The following NLRP11 variants were observed in gnomAD, a reference collection of about 807,000 sequenced individuals.
NLRP11 encodes the protein NLR family pyrin domain containing 11.
NLRP11 carries 53 observed loss-of-function variants against 79.3 expected under a neutral mutation model. That is an observed-to-expected ratio of 0.67 (90% confidence interval 0.54 to 0.84). The LOEUF is 0.84. Ranked by LOEUF, NLRP11 falls within the 40% of genes least tolerant of loss-of-function variation. The pLI is 0.00. For synonymous variants in NLRP11, 518 were observed against 462.6 expected (o/e 1.12, Z -1.54); for missense variants, 1,264 against 1,255.0 (o/e 1.01, Z -0.11).
chr19:55,821,247 A>ACCC (rs1209588601), intron 1 of NLRP11, among the ~76,000 whole-genome samples: 4 of 119,374 alleles, frequency 3.4e-5, no homozygotes, highest in Admixed American at 9.3e-5. Flanking sequence ...ACACACACAC[A>ACCC]CACCCCAAGC....
intron 5 of NLRP11, among the ~76,000 whole-genome samples, chr19:55,796,772 T>C (rs12973282): frequency 0.25 from 37,974 of 151,412 alleles, 4,986 homozygotes; most frequent in Admixed American, 0.32. Flanking sequence ...CTGCAACCTC[T>C]GCCTCCCGGG....
Position 55,788,984 on chromosome 19 carries a change from C to T in NLRP11, c.2685-7G>A, listed in dbSNP as rs780976301. 2.2e-5 allele frequency: 36 copies of T among 1,613,564 alleles called. No individual in the cohort carries two copies. Among genetic ancestry groups the T allele is most frequent in the African/African-American group, 6.7e-5 (5 of 74,802 alleles). The stretch of plus-strand genomic sequence containing the variant: ...TAACATGCACTCTTCTAGCCTGCAA[C>T]GAAGATGCACAGGTAAGGTGGGGCC... On this transcript the variant is annotated splice_region_variant and splice_polypyrimidine_tract_variant and intron_variant, in intron 8 of 9. Coordinates refer to ENST00000589093, the Ensembl canonical transcript of NLRP11.
intron 1 of NLRP11, among the ~76,000 whole-genome samples, chr19:55,822,031 G>A (rs1036673281): frequency 3.9e-5 from 6 of 152,202 alleles, no homozygotes; most frequent in Non-Finnish European, 8.8e-5. Context: ...GGCCGAGGTG[G>A]GTGGATCACC....
intron 2 of NLRP11, among the ~76,000 whole-genome samples, chr19:55,816,389 G>A (rs1981114696): frequency 6.6e-6 from 1 of 152,254 alleles, no homozygotes; most frequent in Admixed American, 6.5e-5. Flanking sequence ...TCTAATAATT[G>A]CTTTATGTAA....
At chr19:55,832,497 G>A (rs1009982302), upstream of NLRP11, among the ~76,000 whole-genome samples, 1 of 152,168 alleles carries the variant, frequency 6.6e-6, no homozygotes, top group Non-Finnish European at 1.5e-5. Flanking sequence ...CCACCCGGGG[G>A]GCCCGTCTTG....
chr19:55,817,464 C>T lies in NLRP11; in HGVS notation c.271+440G>A, dbSNP rs760886418. Among the ~76,000 whole-genome samples the T allele has an allele frequency of 2.1e-3, 205 of 95,788 alleles. 1 individual carries two copies. The highest frequency in any genetic ancestry group is 9.8e-3 in the Middle Eastern group (2 of 204). The allele number at this position is 95,788 out of a possible 152,430, so 62.8% of individuals were successfully genotyped here. On this transcript the variant is annotated intron_variant, in intron 2 of 9. Coordinates refer to ENST00000589093, the Ensembl canonical transcript of NLRP11. ...AGTGGATAAAGAAATTATGAACACACACACACACACACACAAATACTACTC... is the reference window on the plus strand; with the variant it reads ...AGTGGATAAAGAAATTATGAACACATACACACACACACACAAATACTACTC...
intron 1 of NLRP11, among the ~76,000 whole-genome samples, chr19:55,823,843 G>T (rs1982053438): frequency 6.8e-6 from 1 of 146,902 alleles, no homozygotes; most frequent in South Asian, 2.2e-4. Context: ...CGCTCTGCAG[G>T]ATATTATCCA....
At chr19:55,828,446 A>AAGTT (rs1568646144) in intron 1 of NLRP11, among the ~76,000 whole-genome samples, 1 of 152,190 alleles carries the variant, frequency 6.6e-6, no homozygotes, top group Non-Finnish European at 1.5e-5. Flanking sequence ...TCAGACTGCA[A>AAGTT]AGTTAGTAAT....
chr19:55,789,283 A>C (rs1177706568), exon 8 of NLRP11: 2 of 1,614,116 alleles, frequency 1.2e-6, no homozygotes, highest in African/African-American at 1.3e-5. Context: ...TAGCAGCTGC[A>C]TTCCTGCATC....
chr19:55,815,329 G>A (rs1276275236), intron 2 of NLRP11, among the ~76,000 whole-genome samples: 3 of 152,096 alleles, frequency 2.0e-5, no homozygotes, highest in Non-Finnish European at 2.9e-5. Context: ...AGGAGTTCAA[G>A]ACCAGCCTGG....
rs759563044 is a variant in NLRP11, at chr19:55,801,570, A to C, written c.2171+2T>G. The C allele has an allele frequency of 1.2e-6, 2 of 1,613,668 alleles. No homozygotes were observed. Among genetic ancestry groups the C allele is most frequent in the South Asian group, 2.2e-5 (2 of 91,048 alleles). ...TGAGCTTTCAGCCGAGCAACAACTC[A>C]CCTCAGATGACTTATTTGGCATGTG... On this transcript the variant is annotated splice_donor_variant, in intron 5 of 9. Coordinates refer to ENST00000589093, the Ensembl canonical transcript of NLRP11. LOFTEE classifies it high-confidence loss of function.
At chr19:55,832,572 A>C (rs1353487491), upstream of NLRP11, among the ~76,000 whole-genome samples, 1 of 152,256 alleles carries the variant, frequency 6.6e-6, no homozygotes, top group African/African-American at 2.4e-5. Flanking sequence ...ATGCGCAGGT[A>C]TCTGCTTTAG....
chr19:55,829,366 T>TA (rs1479908686), intron 1 of NLRP11, among the ~76,000 whole-genome samples: 13 of 151,988 alleles, frequency 8.6e-5, no homozygotes, highest in African/African-American at 7.3e-5. Context: ...TCAACCCACT[T>TA]AAAAAATCAT....
intron 2 of NLRP11, 39 bp downstream of exon 2, chr19:55,817,865 G>A (rs769511788): frequency 3.3e-6 from 5 of 1,514,972 alleles, no homozygotes; most frequent in Non-Finnish European, 3.6e-6. Context: ...CCTGTGAAGT[G>A]CCCTGATTTC....
intron 4 of NLRP11, 135 bp from the exon 5 acceptor site, chr19:55,801,874 T>A: frequency 1.4e-6 from 1 of 717,998 alleles, no homozygotes; most frequent in Non-Finnish European, 2.3e-6. Flanking sequence ...CTCTCGATCT[T>A]AAATTTCTAG....
intron 2 of NLRP11, among the ~76,000 whole-genome samples, chr19:55,814,020 C>T (rs72629144): frequency 0.067 from 10,152 of 152,136 alleles, 895 homozygotes; most frequent in East Asian, 0.24. Context: ...CTGTTAGGGA[C>T]TGGGCCCCAC....
At chr19:55,798,735 A>AACAC (rs141517744) in intron 5 of NLRP11, among the ~76,000 whole-genome samples, 12,287 of 150,362 alleles carry the variant, frequency 0.082, 1,017 homozygotes, top group African/African-American at 0.22. Context: ...TTTTGCTTCA[A>AACAC]ACACACACAC....
intron 1 of NLRP11, among the ~76,000 whole-genome samples, chr19:55,823,125 A>C (rs1266784995): frequency 6.3e-4 from 92 of 145,248 alleles, no homozygotes; most frequent in Middle Eastern, 3.5e-3. Flanking sequence ...AAGCAGCCTA[A>C]CTGGGAGGCA....
chr19:55,788,994 C>T lies in NLRP11; in HGVS notation c.2685-17G>A, dbSNP rs1990075425. 6.2e-7 allele frequency: 1 copy of T among 1,613,588 alleles called. No homozygotes were observed. The highest frequency in any genetic ancestry group is 1.3e-5 in the African/African-American group (1 of 74,868). ...TCTTCTAGCCTGCAACGAAGATGCACAGGTAAGGTGGGGCCAAATCCTTGA... is the reference window on the plus strand; with the variant it reads ...TCTTCTAGCCTGCAACGAAGATGCATAGGTAAGGTGGGGCCAAATCCTTGA... On this transcript the variant is annotated splice_polypyrimidine_tract_variant and intron_variant, in intron 8 of 9. Transcript: ENST00000589093.
Sources: gnomAD v4.1 joint callset for allele counts (sites outside exome capture counted in the v4.1 genomes callset) on GRCh38, gnomAD v4.1.1 for gene constraint, MANE v1.5 for transcripts, NCBI Gene and HGNC (gene_info 2026-07-23, HGNC 2026-07-21) for gene names.